ZIM2: variants seen among roughly 807,000 people sequenced by gnomAD.
The protein encoded by ZIM2 is zinc finger imprinted 2.
ZIM2 carries 14 observed loss-of-function variants against 38.6 expected under a neutral mutation model. That is an observed-to-expected ratio of 0.36 (90% CI 0.24 to 0.57). The LOEUF (loss-of-function observed/expected upper bound fraction) is 0.57. Ranked by LOEUF, ZIM2 falls within the 20% of genes least tolerant of loss-of-function variation. The pLI is 0.81. For synonymous variants in ZIM2, 247 were observed against 245.8 expected (o/e 1.00, Z -0.04); for missense variants, 680 against 695.1 (o/e 0.98, Z 0.24).
intron 9 of ZIM2, chr19:56,817,321 C>G (rs780846721): frequency 6.2e-7 from 1 of 1,614,112 alleles, no homozygotes; most frequent in Non-Finnish European, 8.5e-7. Context: ...AAACCTAAAG[C>G]CTCCCCTAAA....
rs546601678 is a variant in ZIM2, at chr19:56,794,369, T to G, written c.491-4418A>C. Among the ~76,000 whole-genome samples, 277 of 152,338 alleles carry G rather than the reference T, an allele frequency of 1.8e-3. 2 individuals carry two copies. The highest frequency in any genetic ancestry group is 6.1e-3 in the African/African-American group (253 of 41,586). On this transcript the variant is annotated intron_variant, in intron 9 of 12. Transcript: ENST00000629319. Reference sequence around the variant, plus strand: ...AGGCTACACTCACTCTAAGAAACCATGAACAAAGATGCCACTTGGGGAAAA... The same window carrying G: ...AGGCTACACTCACTCTAAGAAACCAGGAACAAAGATGCCACTTGGGGAAAA...
At chr19:56,824,816 G>A (rs1192680597) in intron 3 of ZIM2, 1 of 647,400 alleles carries the variant, frequency 1.5e-6, no homozygotes, top group Non-Finnish European at 2.6e-6. Flanking sequence ...CCTTACCAGA[G>A]GCATCGACAA....
At chr19:56,795,052 T>C (rs900512670) in intron 9 of ZIM2, among the ~76,000 whole-genome samples, 2 of 149,710 alleles carry the variant, frequency 1.3e-5, no homozygotes, top group Non-Finnish European at 2.9e-5. Context: ...CTTTTTTTTC[T>C]TTTCTTTTTT....
At chr19:56,802,820 C>T (rs766904190) in intron 9 of ZIM2, among the ~76,000 whole-genome samples, 8 of 152,206 alleles carry the variant, frequency 5.3e-5, no homozygotes, top group South Asian at 2.1e-4. Context: ...CTGACCATTT[C>T]GAATGGATGG....
rs74331223 is a variant in ZIM2 at position 56,821,512 on chromosome 19, C to T, written c.294+139G>A. 235 of 1,015,182 alleles carry T rather than the reference C, an allele frequency of 2.3e-4. 2 individuals carry two copies. In the East Asian group the frequency reaches 5.0e-3, roughly 21 times the overall value. The allele number at this position is 1,015,182 out of a possible 1,614,324, so 62.9% of individuals were successfully genotyped here. A position where few individuals can be genotyped will look rare whatever the true frequency, so the allele number is the denominator to read the frequency against. On this transcript the variant is annotated intron_variant, in intron 7 of 12. Transcript: ENST00000629319. Reference sequence around the variant, plus strand: ...CTACTTGTCACCTAAGGGATGGGCCCGGGCTCCTCCTGGAGCGCTGGGACT... The same window carrying T: ...CTACTTGTCACCTAAGGGATGGGCCTGGGCTCCTCCTGGAGCGCTGGGACT...
At chr19:56,816,030 C>T in intron 9 of ZIM2, 1 of 1,594,480 alleles carries the variant, frequency 6.3e-7, no homozygotes, top group South Asian at 1.1e-5. Flanking sequence ...GAATGGTAGA[C>T]TCTGCCATTA....
chr19:56,816,738 A>C (rs142884879), intron 9 of ZIM2: 2 of 1,614,154 alleles, frequency 1.2e-6, no homozygotes, highest in African/African-American at 2.7e-5. Context: ...AGGTTTCCTT[A>C]CACACCCTGC....
Position 56,814,605 on chromosome 19 carries a change from C to T in ZIM2, c.490+3141G>A. On this transcript the variant is annotated intron_variant, in intron 9 of 12. Transcript: ENST00000629319. The surrounding 1 kb of genome is among the most constrained non-coding windows in gnomAD (Gnocchi z 5.8). Reference sequence around the variant, plus strand: ...CACAGACTGCACATTCAAAGAGTCTCTCTTCGGTCTGACTTCTCTGAAACT... The same window carrying T: ...CACAGACTGCACATTCAAAGAGTCTTTCTTCGGTCTGACTTCTCTGAAACT... 6.2e-7 allele frequency: 1 copy of T among 1,614,126 alleles called. No homozygotes were observed. The highest frequency in any genetic ancestry group is 2.2e-5 in the East Asian group (1 of 44,876).
chr19:56,806,640 T>C (rs996478891), intron 9 of ZIM2, among the ~76,000 whole-genome samples: 3 of 152,220 alleles, frequency 2.0e-5, no homozygotes, highest in African/African-American at 7.2e-5. Context: ...TTCCTCCCCG[T>C]ACATACTGCT....
chr19:56,822,580 G>A (rs760478200), intron 6 of ZIM2, 173 bp downstream of exon 6: 2 of 758,142 alleles, frequency 2.6e-6, no homozygotes, highest in Non-Finnish European at 4.2e-6. Context: ...AACCTGTGCT[G>A]GTGGTACCGA....
chr19:56,816,549 C>T, intron 9 of ZIM2: 1 of 1,614,082 alleles, frequency 6.2e-7, no homozygotes. Flanking sequence ...TCTCCCCACA[C>T]ACCTTACATT....
chr19:56,802,456 C>A (rs1394207556), intron 9 of ZIM2, among the ~76,000 whole-genome samples: 1 of 152,152 alleles, frequency 6.6e-6, no homozygotes. Flanking sequence ...GAGGGCCTGT[C>A]AATCCCCTTG....
At position 56,789,856 on chromosome 19, in the gene ZIM2, G is replaced by A. The variant is rs186291861; in HGVS notation, c.570+16C>T. 4.5e-6 allele frequency: 7 copies of A among 1,539,540 alleles called. No homozygotes were observed. The East Asian group carries it at 1.4e-4, about 30-fold the overall frequency. On this transcript the variant is annotated intron_variant, in intron 10 of 12. Transcript: ENST00000629319. ...CCCCATATTTGATAACCATGTCAGA[G>A]GAAAGCCTGACTCACCTGGGACCCA... is the stretch of plus-strand genomic sequence containing the variant.
intron 9 of ZIM2, chr19:56,816,420 C>G (rs376523755): frequency 1.4e-5 from 22 of 1,613,792 alleles, no homozygotes; most frequent in Middle Eastern, 1.6e-4. Flanking sequence ...TTTTCTGACG[C>G]CTTTTAAGGG....
intron 9 of ZIM2, among the ~76,000 whole-genome samples, chr19:56,795,616 G>C (rs531438070): frequency 6.6e-6 from 1 of 152,216 alleles, no homozygotes; most frequent in Non-Finnish European, 1.5e-5. Flanking sequence ...TGTGAGACAC[G>C]AGGATAGGGT....
chr19:56,817,285 C>T (rs1267089396), intron 9 of ZIM2: 1 of 1,614,168 alleles, frequency 6.2e-7, no homozygotes, highest in South Asian at 1.1e-5. Flanking sequence ...TTCAAGAACT[C>T]TCTTTCTGGA....
rs181219982 is a variant in ZIM2 at position 56,839,568 on chromosome 19, T to C, written c.-314+1014A>G. ...ACATGGCGTCAAAGCGGGCGGGGCCTGAGTGGATAGTTACCCAATCACTTC... is the reference window on the plus strand; with the variant it reads ...ACATGGCGTCAAAGCGGGCGGGGCCCGAGTGGATAGTTACCCAATCACTTC... On this transcript the variant is annotated intron_variant, in intron 1 of 12. Transcript: ENST00000629319. Among the ~76,000 whole-genome samples, 599 of 150,094 alleles carry C rather than the reference T, an allele frequency of 4.0e-3. 3 individuals carry two copies. The highest frequency in any genetic ancestry group is 4.0e-3 in the Non-Finnish European group (271 of 67,468).
chr19:56,783,558 C>T (rs1418823779), intron 10 of ZIM2, among the ~76,000 whole-genome samples: 2 of 152,170 alleles, frequency 1.3e-5, no homozygotes, highest in African/African-American at 2.4e-5. Context: ...TTATCCTAAG[C>T]GAACTAACGC....
intron 9 of ZIM2, chr19:56,815,589 T>C (rs1008942002): frequency 6.2e-7 from 1 of 1,614,122 alleles, no homozygotes; most frequent in Admixed American, 1.7e-5. Flanking sequence ...GAGAGTGAAT[T>C]ACAGAGGTCT....
Sources: gnomAD v4.1 joint callset for allele counts (sites outside exome capture counted in the v4.1 genomes callset) on GRCh38, gnomAD v4.1.1 for gene constraint, Gnocchi (gnomAD v3.1) non-coding constraint, MANE v1.5 for transcripts, NCBI Gene and HGNC (gene_info 2026-07-23, HGNC 2026-07-21) for gene names.